Variants in PTDSS2 observed in about 807,000 individuals in gnomAD.
PTDSS2 encodes the protein PSS-2.
In PTDSS2, 41 loss-of-function variants were observed where a neutral mutation model predicts 64.7. That is an observed-to-expected ratio of 0.63 (90% CI 0.49 to 0.82). PTDSS2 has a LOEUF of 0.82. Among genes scored for constraint, PTDSS2 ranks in the 40% least tolerant of loss-of-function variants. PTDSS2 has a pLI of 0.00. For missense variants in PTDSS2, 485 were observed against 650.0 expected (o/e 0.75, Z 2.76); for synonymous variants, 297 against 277.8 (o/e 1.07, Z -0.69).
intron 1 of PTDSS2, chr11:459,803 A>G (rs1295627205): frequency 4.8e-6 from 1 of 207,296 alleles, no homozygotes; most frequent in African/African-American, 2.3e-5. Flanking sequence ...ATGTTATTTC[A>G]TGAACCCAAA....
intron 4 of PTDSS2, among the ~76,000 whole-genome samples, chr11:485,930 G>A (rs1255397869): frequency 1.2e-5 from 1 of 86,502 alleles, no homozygotes; most frequent in African/African-American, 5.3e-5. Context: ...TGTGCTCACC[G>A]TGCGCGCAGG....
In PTDSS2 at chr11:450,316, C is replaced by T. The variant is rs1846254285; in HGVS notation, c.-140C>T. 7.6e-6 allele frequency: 5 copies of T among 656,948 alleles called. No individual in the cohort carries two copies. Among genetic ancestry groups the T allele is most frequent in the Non-Finnish European group, 1.1e-5 (5 of 469,080 alleles). The allele number at this position is 656,948 out of a possible 1,614,324, so 40.7% of individuals were successfully genotyped here. A position where few individuals can be genotyped will look rare whatever the true frequency, so the allele number is the denominator to read the frequency against. ...ACACCCTTTACTGGCCGGCCCCGCG[C>T]TGCTCTCCTAAGACCCCGCGGGCCA... is the stretch of plus-strand genomic sequence containing the variant. On this transcript the variant is annotated 5_prime_UTR_variant, in exon 1 of 12. Coordinates refer to ENST00000308020, the MANE Select transcript of PTDSS2 (RefSeq NM_030783.3).
At chr11:475,521 GT>G (rs1847761477) in intron 3 of PTDSS2, among the ~76,000 whole-genome samples, 1 of 151,088 alleles carries the variant, frequency 6.6e-6, no homozygotes, top group Admixed American at 6.6e-5. Context: ...ATATTCACGT[GT>G]TTGTGTGATA....
In PTDSS2 at chr11:451,429, G is replaced by A. The variant is rs563536755; in HGVS notation, c.182+792G>A. 7.9e-5 allele frequency: 35 copies of A among 445,278 alleles called. No homozygotes were observed. In the Admixed American group the frequency reaches 7.9e-4, roughly 10 times the overall value. 27.6% of individuals were successfully genotyped at this position (445,278 alleles called of 1,614,324 possible). A position where few individuals can be genotyped will look rare whatever the true frequency, so the allele number is the denominator to read the frequency against. ...CTTTGCCGATGCTCCTCTGTGAGAAGGATCAAGCCGTCGACCTGAAAGCAG... is the reference window on the plus strand; with the variant it reads ...CTTTGCCGATGCTCCTCTGTGAGAAAGATCAAGCCGTCGACCTGAAAGCAG... On this transcript the variant is annotated intron_variant, in intron 1 of 11. Transcript: ENST00000308020.
chr11:450,812 C>T (rs998542439), intron 1 of PTDSS2, among the ~76,000 whole-genome samples, 175 bp downstream of exon 1: 32 of 152,088 alleles, frequency 2.1e-4, no homozygotes, highest in African/African-American at 6.5e-4. Flanking sequence ...GCGGCCGGAC[C>T]GAGCTCCCGA....
chr11:465,006 G>A (rs1234281250), intron 2 of PTDSS2, among the ~76,000 whole-genome samples: 2 of 152,246 alleles, frequency 1.3e-5, no homozygotes, highest in Admixed American at 6.5e-5. Context: ...GCGCACGACT[G>A]CAGGCAGCCG....
chr11:466,140 G>A (rs7110722), intron 2 of PTDSS2, among the ~76,000 whole-genome samples: 33,031 of 151,984 alleles, frequency 0.22, 3,898 homozygotes, highest in African/African-American at 0.31. Context: ...TTGGGAGGTT[G>A]AGGCAGAAGG....
rs12807886 is a variant in PTDSS2, at chr11:483,354, A to G, written c.436-3585A>G. Among the ~76,000 whole-genome samples the G allele has an allele frequency of 2.3e-3, 273 of 119,174 alleles. 3 individuals carry two copies. The South Asian group carries it at 0.029, about 13-fold the overall frequency. 78.2% of individuals were successfully genotyped at this position (119,174 alleles called of 152,430 possible). ...GTAGATCTCCCTACCGAGTGCAGAA[A>G]GTTCTGTGAGTTTTTCGTAGATCTC... On this transcript the variant is annotated intron_variant, in intron 4 of 11. Coordinates refer to ENST00000308020, the MANE Select transcript of PTDSS2 (RefSeq NM_030783.3).
chr11:486,546 C>T (rs902941901), intron 4 of PTDSS2, among the ~76,000 whole-genome samples: 2 of 152,158 alleles, frequency 1.3e-5, no homozygotes, highest in African/African-American at 4.8e-5. Context: ...ATGCAGTTTA[C>T]AACCATGATC....
At position 450,577 on chromosome 11, in the gene PTDSS2, G is replaced by T; in HGVS notation, c.122G>T (p.Gly41Val). The T allele has an allele frequency of 8.0e-7, 1 of 1,243,490 alleles. No homozygotes were observed. The highest frequency in any genetic ancestry group is 1.0e-6 in the Non-Finnish European group (1 of 986,280). 77.0% of individuals were successfully genotyped at this position (1,243,490 alleles called of 1,614,324 possible). Residue 41 changes from glycine to valine, a missense_variant, in exon 1 of 12, where the codon GGC (glycine) becomes GTC (valine). By Grantham distance (109) the Gly-to-Val change is moderately radical (BLOSUM62 -3). Around this residue, in one of 3 missense-constraint regions of PTDSS2, gnomAD observed 251 missense variants for 348.0 expected, o/e 0.72. Transcript: ENST00000308020. The stretch of plus-strand genomic sequence containing the variant: ...TCTGCCGGCCAAGCCACCGGGCCGG[G>T]CGAGGGCCGCCGCAGCACCGAGTCC... ...GPSAGQATGP[G>V]EGRRSTESEV...
chr11:489,648 C>G lies in PTDSS2; in HGVS notation c.1030C>G (p.His344Asp). Residue 344 changes from histidine to aspartate, a missense_variant, in exon 10 of 12, where the codon CAC becomes GAC. His to Asp is a moderately conservative substitution (Grantham distance 81). Coordinates refer to ENST00000308020, the MANE Select transcript of PTDSS2 (RefSeq NM_030783.3). ...LKFVLWMPPEHYLVLLRLVFF... is the reference protein window; with the variant it reads ...LKFVLWMPPEDYLVLLRLVFF... ...GTTTGTGCTGTGGATGCCCCCGGAG[C>G]ACTACCTGGTCCTCCTGCGGCTCGT... The G allele has an allele frequency of 6.3e-7, 1 of 1,599,610 alleles. No individual in the cohort carries two copies. The highest frequency in any genetic ancestry group is 8.5e-7 in the Non-Finnish European group (1 of 1,173,030).
At position 476,591 on chromosome 11, in the gene PTDSS2, T is replaced by C. The variant is rs1847815788; in HGVS notation, c.368-2494T>C. Among the ~76,000 whole-genome samples, 1 of 152,106 alleles carries C rather than the reference T, an allele frequency of 6.6e-6. No homozygotes were observed. The highest frequency in any genetic ancestry group is 2.4e-5 in the African/African-American group (1 of 41,396). On this transcript the variant is annotated intron_variant, in intron 3 of 11. Coordinates refer to ENST00000308020, the MANE Select transcript of PTDSS2 (RefSeq NM_030783.3). The surrounding 1 kb of genome is among the most constrained non-coding windows in gnomAD (Gnocchi z 4.9). ...CAGCAGGCAGCAGCTTGTCCTGGCA[T>C]GTGACCCCTGGCACAGGGAGAGACT... is the stretch of plus-strand genomic sequence containing the variant.
chr11:453,769 G>A (rs1252699600), intron 1 of PTDSS2, among the ~76,000 whole-genome samples: 2 of 152,234 alleles, frequency 1.3e-5, no homozygotes, highest in Non-Finnish European at 2.9e-5. Flanking sequence ...ACGACGCCGC[G>A]TTTTCCTCTT....
intron 3 of PTDSS2, among the ~76,000 whole-genome samples, chr11:474,575 G>A (rs1255164716): frequency 1.3e-5 from 2 of 152,174 alleles, no homozygotes; most frequent in Non-Finnish European, 2.9e-5. Flanking sequence ...CCACCTTATG[G>A]CCCTGAGTTC....
At chr11:451,491 A>G (rs1267522118) in intron 1 of PTDSS2, 1 of 392,264 alleles carries the variant, frequency 2.5e-6, no homozygotes, top group Non-Finnish European at 5.4e-6. Flanking sequence ...TCTTGACTGC[A>G]AGGTGCCCAG....
upstream of PTDSS2, among the ~76,000 whole-genome samples, chr11:449,670 C>G (rs912262088): frequency 2.0e-4 from 30 of 152,332 alleles, no homozygotes; most frequent in South Asian, 1.9e-3. Flanking sequence ...CCAGACCGGT[C>G]CGGGCGCGGT....
rs1268330968 is a variant in PTDSS2, at chr11:491,061, C to G, written c.*479C>G. On this transcript the variant is annotated 3_prime_UTR_variant, in exon 12 of 12. Transcript: ENST00000308020. ...CGGTACCCTTTCTGCACTCCGTGGG[C>G]CCTGGGTGCGCTGAGGCCTGGAGGC... The G allele has an allele frequency of 3.7e-5, 6 of 164,366 alleles. No individual in the cohort carries two copies. The allele number at this position is 164,366 out of a possible 1,614,324, so 10.2% of individuals were successfully genotyped here. A position where few individuals can be genotyped will look rare whatever the true frequency, so the allele number is the denominator to read the frequency against.
intron 6 of PTDSS2, 23 bp downstream of exon 6, chr11:487,493 C>G: frequency 6.2e-7 from 1 of 1,611,142 alleles, no homozygotes; most frequent in Non-Finnish European, 8.5e-7. Flanking sequence ...CTCTTCCCGG[C>G]CTCCCCGCCC....
At chr11:449,380 T>A (rs557253580), upstream of PTDSS2, among the ~76,000 whole-genome samples, 1 of 152,340 alleles carries the variant, frequency 6.6e-6, no homozygotes, top group South Asian at 2.1e-4. Context: ...CCTAGCATAA[T>A]GTTTTCAAGG....
Sources: allele counts gnomAD v4.1 joint callset (sites outside exome capture counted in the v4.1 genomes callset), GRCh38; gene constraint gnomAD v4.1.1; regional missense constraint gnomAD v4.1.1; non-coding constraint Gnocchi (gnomAD v3.1); transcripts MANE v1.5; gene names NCBI Gene and HGNC (gene_info 2026-07-23, HGNC 2026-07-21).